Variants in MYO5B observed in about 807,000 individuals in gnomAD.
The protein encoded by MYO5B is myosin VB, also known as unconventional myosin-Vb.
In MYO5B, 143 loss-of-function variants were observed where a neutral mutation model predicts 229.3. The ratio of observed to expected loss-of-function variants is 0.62; its 90% CI spans 0.54 to 0.72. MYO5B has a LOEUF of 0.72. Among genes scored for constraint, MYO5B ranks in the 30% least tolerant of loss-of-function variants. The pLI is 0.00. For missense variants in MYO5B, 2,321 were observed against 2,331.0 expected, an observed-to-expected ratio of 1.00 and a Z score of 0.09; for synonymous variants, 918 against 885.2, an observed-to-expected ratio of 1.04 and a Z score of -0.66.
Position 49,990,512 on chromosome 18 carries a change from A to G in MYO5B, c.765T>C (p.Asp255=), listed in dbSNP as rs1326272713. Residue 255 remains aspartate, a synonymous_variant, in exon 7 of 40, where the codon GAT becomes GAC. Coordinates refer to ENST00000285039, the MANE Select transcript of MYO5B (RefSeq NM_001080467.3). ...EKSRVVFQAD[D]ERNYHIFYQL... is the part of the protein sequence containing the mutation. ...GGTAAAAGATGTGGTAATTCCTCTC[A>G]TCATCTGCCTGGAGGAGGAAGAAGT... 2 of 1,612,306 alleles carry G rather than the reference A, an allele frequency of 1.2e-6. No homozygotes were observed. Among genetic ancestry groups the G allele is most frequent in the African/African-American group, 1.3e-5 (1 of 75,020 alleles).
In MYO5B at chr18:49,841,244, C is replaced by T. The variant is rs537654754; in HGVS notation, c.4701+121G>A. 6.8e-4 allele frequency: 612 copies of T among 899,674 alleles called. 7 individuals carry two copies. Among genetic ancestry groups the T allele is most frequent in the South Asian group, 6.5e-3 (488 of 75,438 alleles). 55.7% of individuals were successfully genotyped at this position (899,674 alleles called of 1,614,324 possible). A position where few individuals can be genotyped will look rare whatever the true frequency, so the allele number is the denominator to read the frequency against. The stretch of plus-strand genomic sequence containing the variant: ...CACGAGGCATGATAAGGTGTGCCCA[C>T]GGTCTGAGGTCCCCAAGGGTGCTCC... On this transcript the variant is annotated intron_variant, in intron 35 of 39. Transcript: ENST00000285039.
chr18:50,117,114 T>C (rs1347865205), intron 1 of MYO5B, among the ~76,000 whole-genome samples: 1 of 152,180 alleles, frequency 6.6e-6, no homozygotes, highest in Admixed American at 6.5e-5. Flanking sequence ...ATTTCAAAAA[T>C]GCCCTTTTTT....
chr18:50,050,510 T>C (rs2144409302), intron 2 of MYO5B, among the ~76,000 whole-genome samples: 1 of 152,310 alleles, frequency 6.6e-6, no homozygotes, highest in South Asian at 2.1e-4. Flanking sequence ...AGGGATCCCT[T>C]CCCTGACACT....
At chr18:50,091,049 C>T (rs2031436857) in intron 1 of MYO5B, among the ~76,000 whole-genome samples, 2 of 151,568 alleles carry the variant, frequency 1.3e-5, no homozygotes, top group African/African-American at 4.8e-5. Flanking sequence ...CCTGGGTGTC[C>T]AGGTACCACC....
intron 23 of MYO5B, 136 bp from the exon 24 acceptor site, chr18:49,879,226 G>T (rs755654064): frequency 2.0e-6 from 2 of 1,015,126 alleles, no homozygotes; most frequent in Non-Finnish European, 3.0e-6. Flanking sequence ...AATCTATTAC[G>T]CTCCTCACCT....
chr18:49,978,114 G>C (rs1020926660), intron 9 of MYO5B, among the ~76,000 whole-genome samples: 13 of 152,154 alleles, frequency 8.5e-5, no homozygotes, highest in Admixed American at 5.9e-4. Context: ...AGCAGAGAAA[G>C]GGCTGCCACA....
chr18:50,136,989 A>T (rs1426441371), intron 1 of MYO5B, among the ~76,000 whole-genome samples: 1 of 152,208 alleles, frequency 6.6e-6, no homozygotes, highest in Non-Finnish European at 1.5e-5. Context: ...CTGCCCGAGT[A>T]GATTAAACAC....
intron 18 of MYO5B, among the ~76,000 whole-genome samples, chr18:49,911,840 T>C (rs1428461287): frequency 1.3e-5 from 2 of 152,164 alleles, no homozygotes; most frequent in Non-Finnish European, 2.9e-5. Flanking sequence ...AATTCCATTT[T>C]CTATGCCTGC....
chr18:50,043,291 TTATATATA>T (rs1568083140), intron 2 of MYO5B, among the ~76,000 whole-genome samples: 35 of 94,372 alleles, frequency 3.7e-4, no homozygotes, highest in African/African-American at 1.3e-3. Context: ...TATTTATATA[TTATATATA>T]ATATATAATA....
intron 39 of MYO5B, among the ~76,000 whole-genome samples, chr18:49,830,645 T>C (rs28819793): frequency 0.025 from 3,782 of 152,074 alleles, 145 homozygotes; most frequent in South Asian, 0.12. Context: ...GTTGGGAGTT[T>C]GAGACCAACC....
At chr18:50,144,489 G>C (rs1392867023) in intron 1 of MYO5B, among the ~76,000 whole-genome samples, 1 of 152,144 alleles carries the variant, frequency 6.6e-6, no homozygotes, top group Non-Finnish European at 1.5e-5. Context: ...CTTTTTGACA[G>C]TCCCCCTTCA....
At chr18:50,140,477 G>C (rs1415141038) in intron 1 of MYO5B, among the ~76,000 whole-genome samples, 1 of 152,146 alleles carries the variant, frequency 6.6e-6, no homozygotes, top group Non-Finnish European at 1.5e-5. Flanking sequence ...TCTCACCTGG[G>C]CTAATGGTCC....
At chr18:49,844,335 A>G (rs1275542539) in intron 33 of MYO5B, among the ~76,000 whole-genome samples, 2 of 152,304 alleles carry the variant, frequency 1.3e-5, no homozygotes, top group East Asian at 3.9e-4. Context: ...GCAGGAGCAC[A>G]AGGCCCCAGG....
chr18:49,834,051 G>T (rs2023956661), intron 39 of MYO5B, among the ~76,000 whole-genome samples: 1 of 152,066 alleles, frequency 6.6e-6, no homozygotes, highest in East Asian at 1.9e-4. Flanking sequence ...TTAGATGCTG[G>T]GCTAAAGTTC....
Position 50,055,255 on chromosome 18 carries a change from G to T in MYO5B, c.138+13C>A. ...ACCTCACCCCCGCCCCCCTGCCCCGGACTCACTCTTACCGTTTCATCCTCC... is the reference window on the plus strand; with the variant it reads ...ACCTCACCCCCGCCCCCCTGCCCCGTACTCACTCTTACCGTTTCATCCTCC... On this transcript the variant is annotated intron_variant, in intron 2 of 39. Transcript: ENST00000285039. 4.3e-6 allele frequency: 2 copies of T among 463,826 alleles called. No homozygotes were observed. Among genetic ancestry groups the T allele is most frequent in the Non-Finnish European group, 7.7e-6 (2 of 260,218 alleles). The allele number at this position is 463,826 out of a possible 1,614,324, so 28.7% of individuals were successfully genotyped here. A position where few individuals can be genotyped will look rare whatever the true frequency, so the allele number is the denominator to read the frequency against.
At chr18:50,148,302 G>A (rs1466148133) in intron 1 of MYO5B, among the ~76,000 whole-genome samples, 3 of 150,262 alleles carry the variant, frequency 2.0e-5, no homozygotes, top group African/African-American at 7.4e-5. Flanking sequence ...CCAATCAATA[G>A]AAAAAGAGGG....
intron 1 of MYO5B, among the ~76,000 whole-genome samples, chr18:50,083,693 C>G (rs1240196078): frequency 6.6e-6 from 1 of 152,170 alleles, no homozygotes; most frequent in Non-Finnish European, 1.5e-5. Context: ...GGTTTCCCCT[C>G]ATCTGTTCAA....
At chr18:49,902,336 A>G (rs1369777140) in intron 21 of MYO5B, among the ~76,000 whole-genome samples, 1 of 152,040 alleles carries the variant, frequency 6.6e-6, no homozygotes, top group East Asian at 1.9e-4. Flanking sequence ...TACTCTTCCC[A>G]TCCTACAGTT....
At chr18:50,042,291 T>C (rs1303081584) in intron 2 of MYO5B, among the ~76,000 whole-genome samples, 4 of 152,160 alleles carry the variant, frequency 2.6e-5, no homozygotes, top group African/African-American at 7.2e-5. Flanking sequence ...CCTACAGCAT[T>C]CTTCTGAATT....
Sources: allele counts gnomAD v4.1 joint callset (sites outside exome capture counted in the v4.1 genomes callset), GRCh38; gene constraint gnomAD v4.1.1; transcripts MANE v1.5; gene names NCBI Gene and HGNC (gene_info 2026-07-23, HGNC 2026-07-21).